TAB2: variants seen among roughly 807,000 people sequenced by gnomAD.
TAB2 encodes the protein TGF-beta activated kinase 1 (MAP3K7) binding protein 2.
Under a neutral mutation model 65.0 loss-of-function variants are expected in TAB2, and 3 were observed. That is an observed-to-expected ratio of 0.05 (90% CI 0.02 to 0.12). TAB2 has a LOEUF of 0.12. Ranked by LOEUF, TAB2 falls within the 10% of genes least tolerant of loss-of-function variation. The probability of loss-of-function intolerance (pLI) is 1.00; values close to 1 mark genes in which losing one functional copy is unlikely to be tolerated. For missense variants in TAB2, 623 were observed against 840.3 expected, an observed-to-expected ratio of 0.74 and a Z score of 3.20; for synonymous variants, 298 against 285.1, an observed-to-expected ratio of 1.05 and a Z score of -0.46.
chr6:149,291,892 T>A (rs900598526), intron 1 of TAB2, among the ~76,000 whole-genome samples: 1 of 152,026 alleles, frequency 6.6e-6, no homozygotes, highest in Non-Finnish European at 1.5e-5. Flanking sequence ...AAAGAAACTA[T>A]ATACATTATT....
chr6:149,383,270 T>C (rs567945951), intron 3 of TAB2, among the ~76,000 whole-genome samples: 7 of 152,138 alleles, frequency 4.6e-5, no homozygotes, highest in African/African-American at 7.2e-5. Flanking sequence ...AAAAAAACTT[T>C]CTGATGAGAG....
intron 1 of TAB2, among the ~76,000 whole-genome samples, chr6:149,338,531 T>C (rs1408828285): frequency 1.3e-5 from 2 of 152,328 alleles, no homozygotes; most frequent in East Asian, 3.9e-4. Flanking sequence ...AATGGAAAGT[T>C]GAGGAGGGAA....
intron 5 of TAB2, 106 bp from the exon 6 acceptor site, chr6:149,398,998 A>G (rs34727771): frequency 0.019 from 18,399 of 952,622 alleles, 216 homozygotes; most frequent in Non-Finnish European, 0.024. Flanking sequence ...ATAAATGAAA[A>G]GCATTTCTTA....
chr6:149,338,461 A>G (rs778316973), intron 1 of TAB2, among the ~76,000 whole-genome samples: 2 of 152,228 alleles, frequency 1.3e-5, no homozygotes, highest in Non-Finnish European at 2.9e-5. Flanking sequence ...GAAAGAGAAG[A>G]GAGAAGAGTT....
intron 1 of TAB2, 112 bp downstream of exon 1, chr6:149,318,127 C>CG (rs2114720340): frequency 6.5e-6 from 1 of 153,976 alleles, no homozygotes; most frequent in African/African-American, 2.4e-5. Flanking sequence ...GAGGCCCGTG[C>CG]GGGGCGTTCG....
intron 1 of TAB2, among the ~76,000 whole-genome samples, chr6:149,220,179 T>A (rs1336518361): frequency 1.3e-5 from 2 of 152,202 alleles, no homozygotes; most frequent in South Asian, 2.1e-4. Context: ...GCTGTCTTGG[T>A]TGAAATATGT....
intron 1 of TAB2, among the ~76,000 whole-genome samples, chr6:149,300,067 C>G (rs1029429053): frequency 6.6e-6 from 1 of 151,900 alleles, no homozygotes; most frequent in Non-Finnish European, 1.5e-5. Context: ...AGAAATATAC[C>G]TTTTTTCTTC....
intron 1 of TAB2, among the ~76,000 whole-genome samples, chr6:149,320,297 G>A (rs1779398293): frequency 6.6e-6 from 1 of 152,024 alleles, no homozygotes; most frequent in African/African-American, 2.4e-5. Context: ...GGCTGGTCTC[G>A]AACTCCTGAC....
chr6:149,314,599 C>CCCATTGAATCCCATTGAAT (rs1235703725), upstream of TAB2, among the ~76,000 whole-genome samples: 8 of 152,192 alleles, frequency 5.3e-5, no homozygotes, highest in African/African-American at 1.9e-4. Context: ...AATCCCTCTT[C>CCCATTGAATCCCATTGAAT]CCCTAAGTTT....
chr6:149,291,275 A>G (rs1213988131), intron 1 of TAB2: 3 of 152,358 alleles, frequency 2.0e-5, no homozygotes, highest in Admixed American at 2.0e-4. Flanking sequence ...GAAAGAGTTC[A>G]CATTTTCTTT....
chr6:149,303,867 G>T (rs1212190030), intron 1 of TAB2, among the ~76,000 whole-genome samples: 1 of 152,224 alleles, frequency 6.6e-6, no homozygotes, highest in Non-Finnish European at 1.5e-5. Flanking sequence ...GGAAAGTGGG[G>T]ATCTAAATGG....
chr6:149,251,962 T>C (rs536207686), intron 1 of TAB2, among the ~76,000 whole-genome samples: 85 of 149,402 alleles, frequency 5.7e-4, no homozygotes, highest in African/African-American at 2.1e-3. Flanking sequence ...TCTTTTCTTG[T>C]TTTGTTTTCT....
intron 1 of TAB2, among the ~76,000 whole-genome samples, chr6:149,324,467 T>A (rs1384021376): frequency 2.6e-5 from 4 of 152,186 alleles, no homozygotes; most frequent in African/African-American, 4.8e-5. Context: ...AAAATTATTT[T>A]TGACCTTTAA....
intron 1 of TAB2, among the ~76,000 whole-genome samples, chr6:149,367,664 A>G (rs1781084322): frequency 6.6e-6 from 1 of 152,202 alleles, no homozygotes; most frequent in East Asian, 1.9e-4. Context: ...AGGCCTTTGC[A>G]GTAGTAGTCT....
intron 1 of TAB2, among the ~76,000 whole-genome samples, chr6:149,324,542 A>G (rs909129885): frequency 1.3e-5 from 2 of 152,120 alleles, no homozygotes; most frequent in Non-Finnish European, 2.9e-5. Context: ...GCTTCCTGTC[A>G]GTTTGCCAGT....
chr6:149,268,715 G>A (rs1047153465), intron 1 of TAB2, among the ~76,000 whole-genome samples: 8 of 152,162 alleles, frequency 5.3e-5, no homozygotes, highest in East Asian at 3.8e-4. Flanking sequence ...AGAATTTCTC[G>A]ACACTTGCTG....
At chr6:149,250,147 GTT>G (rs1368221049) in intron 1 of TAB2, among the ~76,000 whole-genome samples, 1 of 152,088 alleles carries the variant, frequency 6.6e-6, no homozygotes, top group Non-Finnish European at 1.5e-5. Flanking sequence ...GGTGGCTTTT[GTT>G]TACCAGAGTA....
intron 1 of TAB2, among the ~76,000 whole-genome samples, chr6:149,300,346 G>A (rs1412747811): frequency 6.6e-6 from 1 of 152,204 alleles, no homozygotes; most frequent in Non-Finnish European, 1.5e-5. Context: ...TTGTGGGTGC[G>A]AGGTTGACAG....
chr6:149,376,886 T>TCC lies in TAB2; in HGVS notation c.103-1123_103-1122dup, dbSNP rs58277096. Reference sequence around the variant, plus strand: ...GAATTCTTTAAAAACAATCTGAGGTTCCCCCCCCCCACTCTGGAGTAGATT... The same window carrying TCC: ...GAATTCTTTAAAAACAATCTGAGGTTCCCCCCCCCCCCACTCTGGAGTAGATT... On this transcript the variant is annotated intron_variant, in intron 2 of 6. Transcript: ENST00000637181. 8.0e-3 allele frequency among the ~76,000 whole-genome samples: 1,147 copies of TCC among 143,190 alleles called. 1 individual carries two copies. Among genetic ancestry groups the TCC allele is most frequent in the Non-Finnish European group, 9.6e-3 (624 of 65,116 alleles). The allele number at this position is 143,190 out of a possible 152,430, so 93.9% of individuals were successfully genotyped here. A position where few individuals can be genotyped will look rare whatever the true frequency, so the allele number is the denominator to read the frequency against.
Sources: allele counts gnomAD v4.1 joint callset (sites outside exome capture counted in the v4.1 genomes callset), GRCh38; gene constraint gnomAD v4.1.1; transcripts MANE v1.5; gene names NCBI Gene and HGNC (gene_info 2026-07-23, HGNC 2026-07-21).